Variants in SMAD3 observed in about 807,000 individuals in gnomAD.
The protein encoded by SMAD3 is MAD homolog 3.
Under a neutral mutation model 51.8 loss-of-function variants are expected in SMAD3, and 12 were observed. The observed-to-expected ratio is 0.23, with a 90% confidence interval of 0.15 to 0.38. The LOEUF is 0.38. Ranked by LOEUF, SMAD3 falls within the 10% of genes least tolerant of loss-of-function variation. The pLI, the probability that SMAD3 is intolerant of heterozygous loss-of-function variation, is 1.00. For missense variants in SMAD3, 294 were observed against 565.6 expected (o/e 0.52, Z 4.87); for synonymous variants, 238 against 227.7 (o/e 1.05, Z -0.41).
chr15:67,079,386 G>C (rs1022530898), intron 1 of SMAD3, among the ~76,000 whole-genome samples: 1 of 152,124 alleles, frequency 6.6e-6, no homozygotes, highest in Non-Finnish European at 1.5e-5. Context: ...TTTCCACAGA[G>C]ACCTTAGAGA....
At chr15:67,180,269 G>A (rs1315892931) in intron 5 of SMAD3, among the ~76,000 whole-genome samples, 1 of 152,096 alleles carries the variant, frequency 6.6e-6, no homozygotes, top group Non-Finnish European at 1.5e-5. Flanking sequence ...GAATGGGCCT[G>A]GAGATGCTGC....
At chr15:67,096,266 C>T (rs781198578) in intron 1 of SMAD3, among the ~76,000 whole-genome samples, 1 of 152,202 alleles carries the variant, frequency 6.6e-6, no homozygotes, top group Non-Finnish European at 1.5e-5. Context: ...ATCTTCCTTA[C>T]TCCTCAGGCA....
chr15:67,160,621 A>G (rs1032499050), intron 1 of SMAD3, among the ~76,000 whole-genome samples: 1 of 152,018 alleles, frequency 6.6e-6, no homozygotes, highest in Non-Finnish European at 1.5e-5. Context: ...AATACGAAAA[A>G]TTAGCCGGGC....
At chr15:67,115,009 G>A (rs578168010) in intron 1 of SMAD3, among the ~76,000 whole-genome samples, 1 of 152,132 alleles carries the variant, frequency 6.6e-6, no homozygotes, top group Admixed American at 6.5e-5. Flanking sequence ...AGGCAGTGTG[G>A]GTGCTGTTGA....
At chr15:67,117,207 C>T (rs1961155444) in intron 1 of SMAD3, among the ~76,000 whole-genome samples, 1 of 152,160 alleles carries the variant, frequency 6.6e-6, no homozygotes, top group Admixed American at 6.5e-5. Context: ...TTTACAGAGG[C>T]CTCACAGGCT....
intron 1 of SMAD3, among the ~76,000 whole-genome samples, chr15:67,097,425 G>T (rs1247397921): frequency 6.6e-6 from 1 of 151,816 alleles, no homozygotes; most frequent in Non-Finnish European, 1.5e-5. Flanking sequence ...GTTGTTTTTT[G>T]TAGAAACAGA....
chr15:67,142,197 A>ACTC (rs1230384756), intron 1 of SMAD3, among the ~76,000 whole-genome samples: 1 of 114,166 alleles, frequency 8.8e-6, no homozygotes, highest in African/African-American at 3.4e-5. Flanking sequence ...TCTCCTCCCC[A>ACTC]CACCCCCCCC....
intron 1 of SMAD3, among the ~76,000 whole-genome samples, chr15:67,067,852 G>T (rs1959963080): frequency 6.6e-6 from 1 of 152,148 alleles, no homozygotes; most frequent in South Asian, 2.1e-4. Context: ...CTGGGATTTG[G>T]TTCCAGCTCT....
intron 5 of SMAD3, among the ~76,000 whole-genome samples, chr15:67,173,253 G>A (rs1323273890): frequency 6.6e-6 from 1 of 152,100 alleles, no homozygotes. Flanking sequence ...TTGCAGCCTG[G>A]GGGCGGGGAG....
chr15:67,130,902 G>A (rs1161125976), intron 1 of SMAD3, among the ~76,000 whole-genome samples: 1 of 151,744 alleles, frequency 6.6e-6, no homozygotes, highest in Non-Finnish European at 1.5e-5. Context: ...TATGAGGTGG[G>A]GGTGAGGAGG....
intron 1 of SMAD3, among the ~76,000 whole-genome samples, chr15:67,126,980 C>T (rs1186756317): frequency 1.3e-5 from 2 of 152,202 alleles, no homozygotes; most frequent in Non-Finnish European, 2.9e-5. Flanking sequence ...GCTCTTACGG[C>T]CACTGCCTGG....
At chr15:67,105,630 C>T (rs1960860085) in intron 1 of SMAD3, among the ~76,000 whole-genome samples, 1 of 152,202 alleles carries the variant, frequency 6.6e-6, no homozygotes, top group African/African-American at 2.4e-5. Flanking sequence ...GAATGAGTTT[C>T]CTGTGCTGCA....
At chr15:67,125,905 C>T in intron 1 of SMAD3, 1 of 985,400 alleles carries the variant, frequency 1.0e-6, no homozygotes, top group African/African-American at 1.7e-5. Context: ...GCTGGGTTCC[C>T]ACAGGATGCG....
chr15:67,118,672 C>T (rs774495433), intron 1 of SMAD3, among the ~76,000 whole-genome samples: 6 of 152,206 alleles, frequency 3.9e-5, no homozygotes, highest in African/African-American at 7.2e-5. Context: ...TAAGGCTTCA[C>T]AGTCTCTCAA....
chr15:67,137,199 T>C (rs1961688734), intron 1 of SMAD3, among the ~76,000 whole-genome samples: 1 of 152,212 alleles, frequency 6.6e-6, no homozygotes, highest in African/African-American at 2.4e-5. Flanking sequence ...AAGGGTGTTT[T>C]TTTGTTTTGT....
intron 1 of SMAD3, among the ~76,000 whole-genome samples, chr15:67,154,436 A>T (rs1290370729): frequency 6.6e-6 from 1 of 152,216 alleles, no homozygotes; most frequent in African/African-American, 2.4e-5. Context: ...GCACACTTAC[A>T]GAACTTGTTG....
chr15:67,157,633 C>G (rs1454221142), intron 1 of SMAD3, among the ~76,000 whole-genome samples: 2 of 152,216 alleles, frequency 1.3e-5, no homozygotes, highest in African/African-American at 4.8e-5. Context: ...CTGTGTTGTC[C>G]CACAGATGGC....
chr15:67,176,001 G>T (rs1962882424), intron 5 of SMAD3, among the ~76,000 whole-genome samples: 1 of 152,192 alleles, frequency 6.6e-6, no homozygotes. Context: ...ACTCCTGAGG[G>T]CCCGGTTTTT....
At chr15:67,089,190 A>G (rs1960459402) in intron 1 of SMAD3, among the ~76,000 whole-genome samples, 1 of 151,992 alleles carries the variant, frequency 6.6e-6, no homozygotes, top group African/African-American at 2.4e-5. Context: ...AGGCTAGGAG[A>G]CCCCAGAGGG....
Sources: gnomAD v4.1 joint callset for allele counts (sites outside exome capture counted in the v4.1 genomes callset) on GRCh38, gnomAD v4.1.1 for gene constraint, MANE v1.5 for transcripts, NCBI Gene and HGNC (gene_info 2026-07-23, HGNC 2026-07-21) for gene names.